ZNF407: variants seen among roughly 807,000 people sequenced by gnomAD.
ZNF407 encodes zinc finger protein 407.
In ZNF407, 17 loss-of-function variants were observed where a neutral mutation model predicts 131.2. That is an observed-to-expected ratio of 0.13 (90% confidence interval 0.09 to 0.19). The LOEUF is 0.19. Ranked by LOEUF, ZNF407 falls within the 10% of genes least tolerant of loss-of-function variation. The pLI is 1.00. For missense variants in ZNF407, 2,681 were observed against 2,830.6 expected (o/e 0.95, Z 1.20); for synonymous variants, 1,156 against 1,062.0 (o/e 1.09, Z -1.72).
At chr18:74,688,048 T>C (rs906660464) in intron 3 of ZNF407, among the ~76,000 whole-genome samples, 2 of 152,192 alleles carry the variant, frequency 1.3e-5, no homozygotes, top group Admixed American at 6.5e-5. Context: ...ATAAAATGTT[T>C]TTTAAAAGAC....
chr18:74,948,262 G>T (rs1972176151), intron 8 of ZNF407, among the ~76,000 whole-genome samples: 1 of 152,126 alleles, frequency 6.6e-6, no homozygotes, highest in South Asian at 2.1e-4. Context: ...TTCACTTTAT[G>T]TGCCATGGGA....
chr18:74,999,348 T>TAAAAAAAAAAA (rs71170334), intron 8 of ZNF407, among the ~76,000 whole-genome samples: 6 of 60,472 alleles, frequency 9.9e-5, no homozygotes, highest in Non-Finnish European at 1.1e-4. Context: ...TAGAGTATAA[T>TAAAAAAAAAAA]AAAAAAAAAA....
chr18:74,830,091 G>A (rs1208833437), intron 4 of ZNF407, among the ~76,000 whole-genome samples: 1 of 152,098 alleles, frequency 6.6e-6, no homozygotes, highest in Non-Finnish European at 1.5e-5. Flanking sequence ...GTGAGAATGT[G>A]ACCATCCTCA....
chr18:74,903,482 A>C (rs1463503571), intron 7 of ZNF407, among the ~76,000 whole-genome samples: 1 of 152,202 alleles, frequency 6.6e-6, no homozygotes, highest in East Asian at 1.9e-4. Flanking sequence ...ACTCTAAAAA[A>C]ATGATGGCTT....
intron 1 of ZNF407, among the ~76,000 whole-genome samples, chr18:74,620,497 G>T (rs935531462): frequency 6.7e-6 from 1 of 150,234 alleles, no homozygotes; most frequent in Non-Finnish European, 1.5e-5. Flanking sequence ...TTAATAACCC[G>T]CAGGCAAAAT....
intron 7 of ZNF407, among the ~76,000 whole-genome samples, chr18:74,902,263 C>G (rs528937902): frequency 1.3e-5 from 2 of 152,208 alleles, no homozygotes; most frequent in Non-Finnish European, 2.9e-5. Flanking sequence ...TAATCAGTCC[C>G]CTTGTTCAAC....
intron 7 of ZNF407, among the ~76,000 whole-genome samples, chr18:74,895,155 A>C (rs984662681): frequency 2.1e-4 from 31 of 151,144 alleles, no homozygotes; most frequent in Non-Finnish European, 4.4e-4. Context: ...CTTATGGCCG[A>C]TATAGCTCTT....
chr18:74,838,093 T>A (rs2145127317), intron 4 of ZNF407, among the ~76,000 whole-genome samples: 1 of 152,364 alleles, frequency 6.6e-6, no homozygotes, highest in South Asian at 2.1e-4. Context: ...ACTTTCGTAT[T>A]TGTTGTATTT....
intron 8 of ZNF407, among the ~76,000 whole-genome samples, chr18:75,006,698 A>G (rs1193588735): frequency 6.6e-6 from 1 of 152,172 alleles, no homozygotes; most frequent in Non-Finnish European, 1.5e-5. Context: ...TAAATGTTTC[A>G]TCTGGGCTTC....
At chr18:75,045,071 T>C (rs1437495569) in intron 8 of ZNF407, among the ~76,000 whole-genome samples, 3 of 24,688 alleles carry the variant, frequency 1.2e-4, no homozygotes, top group Admixed American at 1.2e-3. Flanking sequence ...TGGGGGGGTG[T>C]GGGCATGTAT....
intron 1 of ZNF407, among the ~76,000 whole-genome samples, chr18:74,607,247 A>G (rs945683486): frequency 1.3e-5 from 2 of 152,154 alleles, no homozygotes; most frequent in African/African-American, 2.4e-5. Context: ...GGGCTCAAGA[A>G]TCTGCATTTC....
chr18:74,606,576 A>T (rs1038553460), intron 1 of ZNF407, among the ~76,000 whole-genome samples: 3 of 152,102 alleles, frequency 2.0e-5, no homozygotes, highest in Non-Finnish European at 4.4e-5. Flanking sequence ...TTTGATTTTC[A>T]TACTTGTTTT....
intron 2 of ZNF407, among the ~76,000 whole-genome samples, chr18:74,639,859 A>C (rs1984627991): frequency 6.6e-6 from 1 of 152,032 alleles, no homozygotes; most frequent in Non-Finnish European, 1.5e-5. Context: ...TTCAATTTCA[A>C]CAAAGTATTC....
At chr18:74,780,732 A>C (rs183876790) in intron 3 of ZNF407, among the ~76,000 whole-genome samples, 1 of 152,158 alleles carries the variant, frequency 6.6e-6, no homozygotes, top group Non-Finnish European at 1.5e-5. Flanking sequence ...GCATGACGTA[A>C]ATAAATTGAT....
intron 7 of ZNF407, among the ~76,000 whole-genome samples, chr18:74,906,113 G>T (rs981029596): frequency 6.6e-6 from 1 of 152,064 alleles, no homozygotes; most frequent in Non-Finnish European, 1.5e-5. Context: ...CTCTCTTCCC[G>T]TTTTCCTGCA....
intron 4 of ZNF407, among the ~76,000 whole-genome samples, chr18:74,853,507 G>A (rs1379179070): frequency 6.6e-6 from 1 of 152,118 alleles, no homozygotes; most frequent in Admixed American, 6.5e-5. Flanking sequence ...TAGGCTTTAC[G>A]ATTATAGATT....
In ZNF407 at chr18:74,989,671, A is replaced by G. The variant is rs180834532; in HGVS notation, c.5428+68979A>G. Among the ~76,000 whole-genome samples the G allele has an allele frequency of 2.6e-5, 4 of 152,094 alleles. No individual in the cohort carries two copies. The East Asian group carries it at 7.7e-4, about 29-fold the overall frequency. On this transcript the variant is annotated intron_variant, in intron 8 of 8. Coordinates refer to ENST00000299687, the MANE Select transcript of ZNF407 (RefSeq NM_017757.3). ...AACCTGGCCAACATGGCGAGACCCC[A>G]TCTCTACTAAAAACACAAAAAATTA...
At chr18:74,872,169 C>T (rs1433888863) in intron 4 of ZNF407, among the ~76,000 whole-genome samples, 1 of 147,156 alleles carries the variant, frequency 6.8e-6, no homozygotes, top group Non-Finnish European at 1.5e-5. Flanking sequence ...CCTCAGCATC[C>T]GCCCCGCCCC....
At chr18:74,722,939 A>C (rs1968073412) in intron 3 of ZNF407, among the ~76,000 whole-genome samples, 1 of 151,844 alleles carries the variant, frequency 6.6e-6, no homozygotes. Flanking sequence ...CTCTTTAATT[A>C]GTTGACTATG....
Sources: allele counts gnomAD v4.1 joint callset (sites outside exome capture counted in the v4.1 genomes callset), GRCh38; gene constraint gnomAD v4.1.1; transcripts MANE v1.5; gene names NCBI Gene and HGNC (gene_info 2026-07-23, HGNC 2026-07-21).